Variants in TRPM5 observed in about 807,000 individuals in gnomAD.
TRPM5 encodes transient receptor potential cation channel subfamily M member 5, also known as MLSN1 and TRP-related.
A neutral mutation model predicts 124.9 loss-of-function variants in TRPM5; 121 were observed. The ratio of observed to expected loss-of-function variants is 0.97; its 90% CI spans 0.84 to 1.13. The LOEUF (loss-of-function observed/expected upper bound fraction) is 1.13. TRPM5 is among the 50% of genes most tolerant of loss of function. TRPM5 has a pLI of 0.00. For missense variants in TRPM5, 1,643 were observed against 1,589.1 expected (o/e 1.03, Z -0.58); for synonymous variants, 781 against 700.5 (o/e 1.11, Z -1.81).
At chr11:2,422,955 C>A (rs532467917) in exon 1 of TRPM5, 3 of 1,613,236 alleles carry the variant, frequency 1.9e-6, no homozygotes, top group Non-Finnish European at 1.7e-6. Flanking sequence ...CCAAAGTTGA[C>A]CTCGCCCCTG....
At chr11:2,414,009 G>GGGCGCCCCCCCC in intron 12 of TRPM5, 52 bp downstream of exon 17, 3 of 1,023,732 alleles carry the variant, frequency 2.9e-6, no homozygotes, top group East Asian at 2.8e-5. Context: ...GGCCCAGCTC[G>GGGCGCCCCCCCC]CCCGCCCACC....
In TRPM5 at chr11:2,412,259, AG is replaced by A; in HGVS notation, c.2356-7del. On this transcript the variant is annotated splice_region_variant and splice_polypyrimidine_tract_variant and intron_variant, in intron 15 of 23. Coordinates refer to ENST00000155858, the Ensembl canonical transcript of TRPM5. ...TCCTCGTCTGTGAAGAAGCCCTGGG[AG>A]GGAGGTGGGCAGTCCACTGACAGCT... 2 of 1,610,086 alleles carry A rather than the reference AG, an allele frequency of 1.2e-6. No individual in the cohort carries two copies.
In TRPM5 at chr11:2,405,135, A is replaced by G; in HGVS notation, c.3392-92T>C. On this transcript the variant is annotated intron_variant, in intron 23 of 23. Coordinates refer to ENST00000155858, the Ensembl canonical transcript of TRPM5. ...AGCTGGCTCAGAGGCAAGGGCCAGG[A>G]CGCCGTGGCTCTCAGAGTGAGTCCC... 2.8e-6 allele frequency: 3 copies of G among 1,079,276 alleles called. No individual in the cohort carries two copies. In the South Asian group the frequency reaches 4.3e-5, roughly 15 times the overall value. 66.9% of individuals were successfully genotyped at this position (1,079,276 alleles called of 1,614,324 possible).
At position 2,417,713 on chromosome 11, in the gene TRPM5, C is replaced by CCTCCCCCCCCCCCCCT; in HGVS notation, c.1009+13_1009+14insAGGGGGGGGGGGGGAG. ...CCCAATGGCGCCTGCCTTGCCCACCCTGCCCGCCCTCACCTTTCACCAGCG... is the reference window on the plus strand; with the variant it reads ...CCCAATGGCGCCTGCCTTGCCCACCCCTCCCCCCCCCCCCCTTGCCCGCCCTCACCTTTCACCAGCG... On this transcript the variant is annotated intron_variant, in intron 7 of 23. Transcript: ENST00000155858. 1.4e-6 allele frequency: 2 copies of CCTCCCCCCCCCCCCCT among 1,467,344 alleles called. No individual in the cohort carries two copies. Among genetic ancestry groups the CCTCCCCCCCCCCCCCT allele is most frequent in the South Asian group, 1.2e-5 (1 of 83,560 alleles). The allele number at this position is 1,467,344 out of a possible 1,614,324, so 90.9% of individuals were successfully genotyped here. A position where few individuals can be genotyped will look rare whatever the true frequency, so the allele number is the denominator to read the frequency against.
the TRPM5 span, among the ~76,000 whole-genome samples, chr11:2,429,819 T>C: frequency 2.6e-5 from 4 of 152,062 alleles, no homozygotes; most frequent in African/African-American, 4.8e-5. The surrounding 1 kb of genome is among the most constrained non-coding windows in gnomAD (Gnocchi z 8.4). Context: ...AATCCCCATG[T>C]GTCAAAGGCG....
chr11:2,409,160 CTG>C (rs1312121912), intron 18 of TRPM5, among the ~76,000 whole-genome samples: 53 of 152,222 alleles, frequency 3.5e-4, no homozygotes, highest in Non-Finnish European at 6.0e-4. Flanking sequence ...TATTGAGTGT[CTG>C]TGTGTGCACT....
chr11:2,422,958 C>A lies in TRPM5; in HGVS notation c.79G>T (p.Glu27Ter). Reference sequence around the variant, plus strand: ...TTCCCAGACCCTCCAAAGTTGACCTCGCCCCTGTGCAAGCCCAGCTCCCGC... The same window carrying A: ...TTCCCAGACCCTCCAAAGTTGACCTAGCCCCTGTGCAAGCCCAGCTCCCGC... Residue 27 changes from glutamate to a stop codon, truncating the protein, a stop_gained, in exon 1 of 24, where the codon GAG becomes TAG. Coordinates refer to ENST00000155858, the Ensembl canonical transcript of TRPM5. LOFTEE classifies it high-confidence loss of function. 2.5e-6 allele frequency: 4 copies of A among 1,613,200 alleles called. No individual in the cohort carries two copies. Among genetic ancestry groups the A allele is most frequent in the Non-Finnish European group, 3.4e-6 (4 of 1,179,870 alleles).
chr11:2,413,493 G>C, exon 13 of TRPM5: 1 of 1,611,256 alleles, frequency 6.2e-7, no homozygotes, highest in Non-Finnish European at 8.5e-7. Context: ...TGATGAGGTT[G>C]GTATAGACGA....
At chr11:2,426,621 G>A (rs1565017683), upstream of TRPM5, among the ~76,000 whole-genome samples, 2 of 152,210 alleles carry the variant, frequency 1.3e-5, no homozygotes, top group Non-Finnish European at 2.9e-5. Flanking sequence ...GTGGCTTCCT[G>A]GGCTCCCCAA....
chr11:2,422,784 G>A (rs192261215), intron 1 of TRPM5, 136 bp downstream of exon 6: 14 of 755,092 alleles, frequency 1.9e-5, no homozygotes, highest in Non-Finnish European at 3.2e-5. Context: ...CTGTCTGGGG[G>A]CTCTGAATAT....
chr11:2,407,671 G>C, intron 19 of TRPM5, 88 bp downstream of exon 24: 1 of 1,515,086 alleles, frequency 6.6e-7, no homozygotes, highest in Non-Finnish European at 9.0e-7. Context: ...CAGCACACCA[G>C]GTGGGTTGCA....
At chr11:2,416,061 G>C in intron 7 of TRPM5, 37 bp from the exon 13 acceptor site, 2 of 1,500,596 alleles carry the variant, frequency 1.3e-6, no homozygotes, top group African/African-American at 1.4e-5. Context: ...TGAGGGTGGA[G>C]CTGAGGGCCT....
chr11:2,439,953 G>C, the TRPM5 span, among the ~76,000 whole-genome samples: 1 of 152,194 alleles, frequency 6.6e-6, no homozygotes, highest in South Asian at 2.1e-4. Context: ...GGTAGACTGG[G>C]TAAAGAAAAT....
intron 4 of TRPM5, among the ~76,000 whole-genome samples, 181 bp downstream of exon 9, chr11:2,420,041 T>TCCCAGGCCCCCACGG (rs201970743): frequency 6.6e-6 from 1 of 151,468 alleles, no homozygotes; most frequent in East Asian, 1.9e-4. Flanking sequence ...CAGCTCCTCC[T>TCCCAGGCCCCCACGG]CCCAGGCCCC....
chr11:2,438,414 TA>T, the TRPM5 span, among the ~76,000 whole-genome samples: 4 of 152,156 alleles, frequency 2.6e-5, no homozygotes, highest in East Asian at 7.7e-4. The surrounding 1 kb of genome is among the most constrained non-coding windows in gnomAD (Gnocchi z 5.9). Context: ...CCAGTAATCC[TA>T]GCATTTTGGG....
intron 1 of TRPM5, 61 bp from the exon 7 acceptor site, chr11:2,422,382 T>TG (rs1845785397): frequency 8.9e-7 from 1 of 1,126,462 alleles, no homozygotes. Context: ...CTGCTGGGCA[T>TG]TGGGGGGGGC....
intron 18 of TRPM5, 126 bp from the exon 24 acceptor site, chr11:2,408,038 A>G (rs1253511794): frequency 7.9e-7 from 1 of 1,272,166 alleles, no homozygotes; most frequent in African/African-American, 1.5e-5. Flanking sequence ...TGGTTGGGTG[A>G]CCCACTGTCC....
At position 2,407,860 on chromosome 11, in the gene TRPM5, G is replaced by C. The variant is rs776707620; in HGVS notation, c.2835C>G (p.Ser945=). 4 of 1,614,012 alleles carry C rather than the reference G, an allele frequency of 2.5e-6. No individual in the cohort carries two copies. In the Admixed American group the frequency reaches 6.7e-5, roughly 27 times the overall value. The change falls in exon 19 of 24, where the codon TCC becomes TCG. Residue 945 remains serine (S), a synonymous_variant. Coordinates refer to ENST00000155858, the Ensembl canonical transcript of TRPM5. ...GCCAGTTGGCATAGAGGCTGGGGCA[G>C]GATGGTGAGTCCTCCAGCAGCAGTG...
the TRPM5 span, among the ~76,000 whole-genome samples, chr11:2,443,214 G>C: frequency 6.6e-6 from 1 of 152,136 alleles, no homozygotes; most frequent in Non-Finnish European, 1.5e-5. The surrounding 1 kb of genome is among the most constrained non-coding windows in gnomAD (Gnocchi z 5.0). Context: ...TCTCGTGTGC[G>C]GTGAGATGGA....
Sources: gnomAD v4.1 joint callset for allele counts (sites outside exome capture counted in the v4.1 genomes callset) on GRCh38, gnomAD v4.1.1 for gene constraint, Gnocchi (gnomAD v3.1) non-coding constraint, MANE v1.5 for transcripts, NCBI Gene and HGNC (gene_info 2026-07-23, HGNC 2026-07-21) for gene names.